The following HIVEP3 variants were observed in gnomAD, a reference collection of about 807,000 sequenced individuals.
The protein encoded by HIVEP3 is HIVEP zinc finger 3, also known as transcription factor HIVEP3.
Under a neutral mutation model 152.8 loss-of-function variants are expected in HIVEP3, and 49 were observed. The ratio of observed to expected loss-of-function variants is 0.32; its 90% CI spans 0.26 to 0.41. The LOEUF is 0.41. HIVEP3 is among the 10% of genes least tolerant of loss of function. The pLI is 1.00. For synonymous variants in HIVEP3, 1,269 were observed against 1,289.0 expected (o/e 0.98, Z 0.33); for missense variants, 2,790 against 3,103.3 (o/e 0.90, Z 2.40).
intron 4 of HIVEP3, 97 bp downstream of exon 4, chr1:41,579,640 T>C: frequency 7.1e-7 from 1 of 1,398,952 alleles, no homozygotes; most frequent in South Asian, 1.4e-5. Flanking sequence ...AGTCTGGCTC[T>C]AGTTCTGCAA....
In HIVEP3 at chr1:41,772,949, T is replaced by C. The variant is rs536556159; in HGVS notation, c.-800-71954A>G. Among the ~76,000 whole-genome samples the C allele has an allele frequency of 2.6e-5, 4 of 152,252 alleles. No individual in the cohort carries two copies. In the South Asian group the frequency reaches 8.3e-4, roughly 32 times the overall value. On this transcript the variant is annotated intron_variant, in intron 1 of 8. Transcript: ENST00000372583. Reference sequence around the variant, plus strand: ...ATAAAATAGGACCCATTTGTGTACTTACTGTCTACCAGGCACTGTTCTGAA... The same window carrying C: ...ATAAAATAGGACCCATTTGTGTACTCACTGTCTACCAGGCACTGTTCTGAA...
intron 1 of HIVEP3, among the ~76,000 whole-genome samples, chr1:41,815,223 C>G (rs551152904): frequency 1.3e-5 from 2 of 152,216 alleles, no homozygotes; most frequent in Non-Finnish European, 2.9e-5. Context: ...GTCTGTAATT[C>G]CAGCATTTTG....
chr1:41,627,397 C>T (rs577183267), intron 3 of HIVEP3, among the ~76,000 whole-genome samples: 1 of 152,318 alleles, frequency 6.6e-6, no homozygotes, highest in Admixed American at 6.5e-5. Flanking sequence ...GGTGGGTCTA[C>T]ACTGTTAAGT....
intron 5 of HIVEP3, among the ~76,000 whole-genome samples, chr1:41,563,608 T>G (rs1275156217): frequency 6.6e-6 from 1 of 152,010 alleles, no homozygotes; most frequent in Non-Finnish European, 1.5e-5. Context: ...GAACTCGCCG[T>G]CAAAGAGCCT....
chr1:41,617,964 C>T (rs1644992832), intron 3 of HIVEP3, among the ~76,000 whole-genome samples: 2 of 152,202 alleles, frequency 1.3e-5, no homozygotes, highest in Admixed American at 6.5e-5. Flanking sequence ...TGTGTGGCAG[C>T]ATTTCCCTAA....
At chr1:41,706,301 T>A (rs1391073502) in intron 1 of HIVEP3, among the ~76,000 whole-genome samples, 1 of 152,198 alleles carries the variant, frequency 6.6e-6, no homozygotes, top group Non-Finnish European at 1.5e-5. Context: ...ATTTACTTAT[T>A]TTTTTTGAGA....
chr1:41,552,472 G>T (rs1281743038), intron 5 of HIVEP3, among the ~76,000 whole-genome samples: 1 of 146,844 alleles, frequency 6.8e-6, no homozygotes, highest in Non-Finnish European at 1.5e-5. Context: ...GCGGTGTTTG[G>T]TTTTTTGTTC....
Position 41,668,248 on chromosome 1 carries a change from C to A in HIVEP3, c.-721+32668G>T, listed in dbSNP as rs567755575. 7.2e-5 allele frequency among the ~76,000 whole-genome samples: 11 copies of A among 152,340 alleles called. No homozygotes were observed. In the South Asian group the frequency reaches 1.4e-3, roughly 20 times the overall value. On this transcript the variant is annotated intron_variant, in intron 2 of 8. Transcript: ENST00000372583. ...AGCTCACAGTCTGGTTCCGGAGAGGCCTTGCACACTACAGAAAATAACTAT... is the reference window on the plus strand; with the variant it reads ...AGCTCACAGTCTGGTTCCGGAGAGGACTTGCACACTACAGAAAATAACTAT...
intron 1 of HIVEP3, among the ~76,000 whole-genome samples, chr1:41,870,550 T>C (rs1644061061): frequency 6.6e-6 from 1 of 152,164 alleles, no homozygotes; most frequent in Non-Finnish European, 1.5e-5. Context: ...AATGAATGAA[T>C]TAAAGCATTT....
intron 1 of HIVEP3, among the ~76,000 whole-genome samples, chr1:41,708,017 G>A (rs1021337994): frequency 1.3e-5 from 2 of 152,218 alleles, no homozygotes; most frequent in African/African-American, 4.8e-5. Flanking sequence ...TGTAGCTGAT[G>A]AGCAGAAGAC....
At chr1:41,615,496 G>T (rs1344942450) in intron 3 of HIVEP3, among the ~76,000 whole-genome samples, 1 of 152,252 alleles carries the variant, frequency 6.6e-6, no homozygotes. Flanking sequence ...GCCCAAGGAA[G>T]AGAAGGGATT....
chr1:41,755,054 G>C (rs182490817), intron 1 of HIVEP3, among the ~76,000 whole-genome samples: 5 of 152,310 alleles, frequency 3.3e-5, no homozygotes, highest in Non-Finnish European at 7.3e-5. Flanking sequence ...CTGATGTTAA[G>C]ACATGATATA....
intron 1 of HIVEP3, among the ~76,000 whole-genome samples, chr1:41,789,262 T>C (rs1000135684): frequency 8.5e-5 from 13 of 152,328 alleles, no homozygotes; most frequent in Middle Eastern, 3.4e-3. Flanking sequence ...CATATGATTG[T>C]GGGCATGTTA....
chr1:41,688,593 T>G (rs1646147594), intron 2 of HIVEP3, among the ~76,000 whole-genome samples: 1 of 152,154 alleles, frequency 6.6e-6, no homozygotes. Context: ...TAACACAATC[T>G]CATTTTTTTC....
intron 1 of HIVEP3, among the ~76,000 whole-genome samples, chr1:41,997,422 T>C (rs1271240030): frequency 2.0e-5 from 3 of 152,158 alleles, no homozygotes; most frequent in African/African-American, 7.2e-5. Context: ...CCAGCAGACA[T>C]TGAAAGGGGG....
chr1:41,882,738 AT>A (rs1201182011), intron 1 of HIVEP3, among the ~76,000 whole-genome samples: 1 of 152,192 alleles, frequency 6.6e-6, no homozygotes, highest in Non-Finnish European at 1.5e-5. Context: ...AATTATTGTT[AT>A]TACAGTGTGT....
intron 8 of HIVEP3, 39 bp downstream of exon 8, chr1:41,512,777 A>G: frequency 6.9e-7 from 1 of 1,443,066 alleles, no homozygotes. Context: ...CTGCACCCAC[A>G]GGGGAGAAGC....
Position 41,537,005 on chromosome 1 carries a change from C to T in HIVEP3, c.5208-12095G>A, listed in dbSNP as rs150706848. ...TGTAAGTCAAATAAAATACAAGAGG[C>T]GGATCCAGCCTGGAGCTAAACTTCT... On this transcript the variant is annotated intron_variant, in intron 5 of 8. Transcript: ENST00000372583. 1.8e-4 allele frequency among the ~76,000 whole-genome samples: 27 copies of T among 152,262 alleles called. No individual in the cohort carries two copies. In the East Asian group the frequency reaches 5.0e-3, roughly 28 times the overall value.
chr1:41,759,444 T>A (rs2124242147), intron 1 of HIVEP3, among the ~76,000 whole-genome samples: 1 of 152,328 alleles, frequency 6.6e-6, no homozygotes, highest in Middle Eastern at 3.4e-3. Context: ...TTTGGGTTAT[T>A]TCCACCTTTT....
Sources: allele counts gnomAD v4.1 joint callset (sites outside exome capture counted in the v4.1 genomes callset), GRCh38; gene constraint gnomAD v4.1.1; transcripts MANE v1.5; gene names NCBI Gene and HGNC (gene_info 2026-07-23, HGNC 2026-07-21).